The following PCDHA7 variants were observed in gnomAD, a reference collection of about 807,000 sequenced individuals.
The protein encoded by PCDHA7 is protocadherin alpha-7.
PCDHA7 carries 37 observed loss-of-function variants against 57.2 expected under a neutral mutation model. The observed-to-expected ratio is 0.65, with a 90% CI of 0.50 to 0.85. PCDHA7 has a LOEUF of 0.85. PCDHA7 is among the 40% of genes least tolerant of loss of function. The probability of loss-of-function intolerance (pLI) is 0.00; values close to 1 mark genes in which losing one functional copy is unlikely to be tolerated. For missense variants in PCDHA7, 1,188 were observed against 1,241.8 expected (o/e 0.96, Z 0.65); for synonymous variants, 553 against 558.8 (o/e 0.99, Z 0.15).
intron 1 of PCDHA7, chr5:140,966,979 C>T (rs1554229021): frequency 2.5e-6 from 4 of 1,603,612 alleles, no homozygotes; most frequent in Admixed American, 1.7e-5. Context: ...AGCTGCGGCG[C>T]TTGGGGCCGG....
intron 1 of PCDHA7, chr5:140,856,965 C>T: frequency 1.9e-6 from 3 of 1,590,456 alleles, no homozygotes; most frequent in Non-Finnish European, 2.6e-6. Context: ...GTAAATGATG[C>T]TATTGACTTT....
rs150805116 is a variant in PCDHA7, at chr5:140,977,093, T to C, written c.2356-1856T>C. On this transcript the variant is annotated intron_variant, in intron 1 of 3. Coordinates refer to ENST00000525929, the MANE Select transcript of PCDHA7 (RefSeq NM_018910.3). ...GCAGCATGACAAATTAAATGTGTCA[T>C]TGGGGAAGTGAGATTGTATAATGAA... 6.6e-5 allele frequency among the ~76,000 whole-genome samples: 10 copies of C among 152,320 alleles called. No homozygotes were observed. The East Asian group carries it at 1.7e-3, about 26-fold the overall frequency.
intron 1 of PCDHA7, chr5:140,842,438 A>G (rs1777945140): frequency 6.2e-7 from 1 of 1,613,768 alleles, no homozygotes; most frequent in Non-Finnish European, 8.5e-7. Flanking sequence ...CGCCCTAATT[A>G]GCGTGAACGA....
chr5:140,935,242 A>G (rs1054515711), intron 1 of PCDHA7, among the ~76,000 whole-genome samples: 16 of 152,218 alleles, frequency 1.1e-4, no homozygotes, highest in African/African-American at 3.6e-4. Context: ...ATTTTTTAAA[A>G]GATAAAATAC....
In PCDHA7 at chr5:140,993,461, CT is replaced by C. The variant is rs1554253717; in HGVS notation, c.2503+10899del. 2.8e-3 allele frequency among the ~76,000 whole-genome samples: 284 copies of C among 103,272 alleles called. 3 individuals are homozygous for C. Among genetic ancestry groups the C allele is most frequent in the African/African-American group, 0.011 (251 of 22,630 alleles). 67.8% of individuals were successfully genotyped at this position (103,272 alleles called of 152,430 possible). ...TCATTCCTGTTCTCCTTCTTTCTTTCTCACACACACACACACACACACACAC... is the reference window on the plus strand; with the variant it reads ...TCATTCCTGTTCTCCTTCTTTCTTTCCACACACACACACACACACACACAC... On this transcript the variant is annotated intron_variant, in intron 3 of 3. Coordinates refer to ENST00000525929, the MANE Select transcript of PCDHA7 (RefSeq NM_018910.3).
chr5:140,856,933 C>A (rs1554149303), intron 1 of PCDHA7: 5 of 1,593,874 alleles, frequency 3.1e-6, no homozygotes, highest in East Asian at 4.5e-5. Flanking sequence ...TTTGGATAAA[C>A]GAAAGGACGG....
At chr5:140,957,912 T>A (rs570961362) in intron 1 of PCDHA7, among the ~76,000 whole-genome samples, 1 of 152,256 alleles carries the variant, frequency 6.6e-6, no homozygotes, top group Non-Finnish European at 1.5e-5. Context: ...CATATTGTTA[T>A]CTATGTATCA....
At chr5:140,928,851 T>G (rs1554206396) in intron 1 of PCDHA7, 1 of 1,614,192 alleles carries the variant, frequency 6.2e-7, no homozygotes, top group Non-Finnish European at 8.5e-7. Flanking sequence ...TCACTCTGGG[T>G]GTGCTGTTGA....
chr5:140,902,956 G>A (rs1356131798), intron 1 of PCDHA7, among the ~76,000 whole-genome samples: 3 of 152,242 alleles, frequency 2.0e-5, no homozygotes, highest in Non-Finnish European at 4.4e-5. Context: ...TTATCCACTT[G>A]TTGGCTGATG....
chr5:140,981,489 G>A (rs1554242906), intron 2 of PCDHA7, among the ~76,000 whole-genome samples: 1 of 152,194 alleles, frequency 6.6e-6, no homozygotes, highest in Non-Finnish European at 1.5e-5. Flanking sequence ...CAGGAGAATT[G>A]CTTGAACCTG....
intron 1 of PCDHA7, chr5:140,877,674 G>A: frequency 1.9e-6 from 3 of 1,613,628 alleles, no homozygotes; most frequent in South Asian, 1.1e-5. Flanking sequence ...GGTGCGCGCC[G>A]GGCAAGCCCA....
Position 140,856,446 on chromosome 5 carries a change from C to T in PCDHA7, c.2355+19708C>T. On this transcript the variant is annotated intron_variant, in intron 1 of 3. Coordinates refer to ENST00000525929, the MANE Select transcript of PCDHA7 (RefSeq NM_018910.3). ...ATTAACGACAACCCGCCCAGGTTCTCCGTAACAGAACAAAAGCTCTCAATA... is the reference window on the plus strand; with the variant it reads ...ATTAACGACAACCCGCCCAGGTTCTTCGTAACAGAACAAAAGCTCTCAATA... 1.9e-6 allele frequency: 3 copies of T among 1,598,398 alleles called. 1 individual carries two copies. Among genetic ancestry groups the T allele is most frequent in the Non-Finnish European group, 8.6e-7 (1 of 1,167,936 alleles).
At chr5:140,920,910 A>C (rs2153559145) in intron 1 of PCDHA7, among the ~76,000 whole-genome samples, 1 of 151,920 alleles carries the variant, frequency 6.6e-6, no homozygotes, top group East Asian at 1.9e-4. Context: ...TTCTCAAATC[A>C]GTTCCAAGAG....
chr5:140,959,592 G>A (rs2095498598), intron 1 of PCDHA7, among the ~76,000 whole-genome samples: 2 of 152,162 alleles, frequency 1.3e-5, no homozygotes, highest in South Asian at 4.1e-4. Flanking sequence ...TATCAGCCAA[G>A]TATAACATGC....
At position 140,857,034 on chromosome 5, in the gene PCDHA7, T is replaced by C. The variant is rs374158544; in HGVS notation, c.2355+20296T>C. On this transcript the variant is annotated intron_variant, in intron 1 of 3. Transcript: ENST00000525929. Reference sequence around the variant, plus strand: ...GTTACAGATAAGGGAAACCCACCTATGGTTGGTCACTGCACGGTCCTAGTG... The same window carrying C: ...GTTACAGATAAGGGAAACCCACCTACGGTTGGTCACTGCACGGTCCTAGTG... The C allele has an allele frequency of 5.6e-6, 9 of 1,595,714 alleles. No homozygotes were observed. The African/African-American group carries it at 8.1e-5, about 14-fold the overall frequency.
intron 1 of PCDHA7, chr5:140,870,062 A>G (rs1554163774): frequency 5.0e-6 from 8 of 1,613,902 alleles, no homozygotes; most frequent in South Asian, 3.3e-5. Context: ...ATTGAAGTAC[A>G]GGCTACAGAT....
chr5:140,842,750 G>A, intron 1 of PCDHA7: 1 of 1,595,036 alleles, frequency 6.3e-7, no homozygotes, highest in Non-Finnish European at 8.6e-7. Context: ...CATCTTCACG[G>A]TGTCTGCGCG....
At chr5:140,875,884 C>A in intron 1 of PCDHA7, 1 of 1,614,168 alleles carries the variant, frequency 6.2e-7, no homozygotes, top group Non-Finnish European at 8.5e-7. Context: ...AGAAAGGGAA[C>A]AAAAGGTACC....
intron 1 of PCDHA7, among the ~76,000 whole-genome samples, chr5:140,962,145 G>A (rs1195781182): frequency 3.3e-5 from 5 of 152,074 alleles, no homozygotes; most frequent in Non-Finnish European, 7.4e-5. Flanking sequence ...AAAGTGCTGG[G>A]ATTACAGGCG....
Sources: allele counts gnomAD v4.1 joint callset (sites outside exome capture counted in the v4.1 genomes callset), GRCh38; gene constraint gnomAD v4.1.1; transcripts MANE v1.5; gene names NCBI Gene and HGNC (gene_info 2026-07-23, HGNC 2026-07-21).